The following SYT1 variants were observed in gnomAD, a reference collection of about 807,000 sequenced individuals.
SYT1 encodes the protein synaptotagmin 1, also known as synaptotagmin-1.
In SYT1, 8 loss-of-function variants were observed where a neutral mutation model predicts 44.8. That is an observed-to-expected ratio of 0.18 (90% CI 0.10 to 0.32). The LOEUF (loss-of-function observed/expected upper bound fraction) is 0.32, where lower values mean the gene tolerates loss of function less well. Ranked by LOEUF, SYT1 falls within the 10% of genes least tolerant of loss-of-function variation. SYT1 has a pLI of 1.00. For synonymous variants in SYT1, 154 were observed against 188.8 expected, an observed-to-expected ratio of 0.82 and a Z score of 1.51; for missense variants, 286 against 509.3, an observed-to-expected ratio of 0.56 and a Z score of 4.22.
chr12:79,436,191 A>C (rs921195284), intron 9 of SYT1, among the ~76,000 whole-genome samples: 2 of 152,180 alleles, frequency 1.3e-5, no homozygotes, highest in Non-Finnish European at 2.9e-5. Context: ...TACCTTTACA[A>C]TTTAAACAAT....
At chr12:79,220,801 A>G (rs1875112851) in intron 4 of SYT1, among the ~76,000 whole-genome samples, 1 of 152,132 alleles carries the variant, frequency 6.6e-6, no homozygotes, top group Non-Finnish European at 1.5e-5. Context: ...ATAACTTGAT[A>G]TAGTTTTAAT....
At chr12:79,249,191 G>A (rs1023172994) in intron 4 of SYT1, among the ~76,000 whole-genome samples, 5 of 136,840 alleles carry the variant, frequency 3.7e-5, no homozygotes, top group Non-Finnish European at 3.0e-5. Flanking sequence ...TGCAAGCTCC[G>A]CTTCCCGGGT....
chr12:79,341,947 T>A (rs1267776497), intron 8 of SYT1, among the ~76,000 whole-genome samples: 1 of 151,824 alleles, frequency 6.6e-6, no homozygotes, highest in Non-Finnish European at 1.5e-5. Flanking sequence ...GAAAGATGAG[T>A]GAAAGTTAAC....
rs78249544 is a variant in SYT1, at chr12:78,973,677, G to A, written c.-216-4122G>A. On this transcript the variant is annotated intron_variant, in intron 1 of 10. Coordinates refer to ENST00000261205, the MANE Select transcript of SYT1 (RefSeq NM_005639.3). ...TGTGCTCCAACTTACTACACAGGTT[G>A]ACCTTGCATAAAAGTAACTTTACAA... 1.1e-3 allele frequency among the ~76,000 whole-genome samples: 168 copies of A among 151,838 alleles called. 1 individual carries two copies. The highest frequency in any genetic ancestry group is 3.9e-3 in the African/African-American group (161 of 41,404).
At chr12:79,445,988 G>GACATATATATATATATATATAT (rs1870687649) in intron 10 of SYT1, among the ~76,000 whole-genome samples, 1 of 46,932 alleles carries the variant, frequency 2.1e-5, no homozygotes, top group African/African-American at 7.6e-5. Flanking sequence ...TTAATCCAAA[G>GACATATATATATATATATATAT]ACATATATAT....
intron 3 of SYT1, among the ~76,000 whole-genome samples, chr12:79,049,826 A>T (rs1565781738): frequency 6.6e-6 from 1 of 151,922 alleles, no homozygotes; most frequent in Non-Finnish European, 1.5e-5. Flanking sequence ...CCATAGCTTA[A>T]GAACAAGTTG....
At chr12:79,346,051 A>T (rs1262227140) in intron 8 of SYT1, among the ~76,000 whole-genome samples, 1 of 152,234 alleles carries the variant, frequency 6.6e-6, no homozygotes, top group Non-Finnish European at 1.5e-5. Flanking sequence ...GGTACTTTTG[A>T]AAAACTCACT....
chr12:79,312,582 C>T (rs1399950761), intron 8 of SYT1, among the ~76,000 whole-genome samples: 6 of 152,166 alleles, frequency 3.9e-5, no homozygotes, highest in African/African-American at 1.4e-4. Context: ...AAACTTGAAA[C>T]ACTAGAATAC....
intron 1 of SYT1, among the ~76,000 whole-genome samples, chr12:78,919,333 C>G (rs535098160): frequency 3.3e-5 from 5 of 152,040 alleles, no homozygotes; most frequent in Non-Finnish European, 7.4e-5. Context: ...TAGATCCAAG[C>G]TTCTGAAGGA....
intron 9 of SYT1, among the ~76,000 whole-genome samples, chr12:79,383,136 T>C (rs1263282721): frequency 6.6e-6 from 1 of 152,212 alleles, no homozygotes; most frequent in Non-Finnish European, 1.5e-5. Flanking sequence ...TTAGGCAATT[T>C]CATCATTGTT....
chr12:79,178,775 A>T (rs1038700642), intron 3 of SYT1, among the ~76,000 whole-genome samples: 3 of 150,020 alleles, frequency 2.0e-5, no homozygotes, highest in East Asian at 1.9e-4. Flanking sequence ...TTATTTATTT[A>T]TATTTATTTA....
At chr12:79,009,435 A>C (rs1871287220) in intron 2 of SYT1, among the ~76,000 whole-genome samples, 1 of 152,176 alleles carries the variant, frequency 6.6e-6, no homozygotes, top group East Asian at 1.9e-4. Flanking sequence ...GGTTGTCTGC[A>C]TACTTCCTTA....
intron 3 of SYT1, among the ~76,000 whole-genome samples, chr12:79,108,651 T>A (rs1273688774): frequency 6.6e-6 from 1 of 152,128 alleles, no homozygotes; most frequent in African/African-American, 2.4e-5. Context: ...TTTTAAAAAA[T>A]TCTATAATAC....
chr12:79,260,285 C>T (rs947091795), intron 4 of SYT1, among the ~76,000 whole-genome samples: 2 of 152,192 alleles, frequency 1.3e-5, no homozygotes, highest in African/African-American at 4.8e-5. Context: ...TTTACACACA[C>T]ACAAACACAT....
At chr12:79,387,696 A>G (rs537615135) in intron 9 of SYT1, among the ~76,000 whole-genome samples, 2 of 152,300 alleles carry the variant, frequency 1.3e-5, no homozygotes, top group Admixed American at 1.3e-4. Context: ...TATTCTTCCT[A>G]TAAGCATTTG....
At chr12:79,085,977 C>G (rs547863185) in intron 3 of SYT1, among the ~76,000 whole-genome samples, 1 of 152,162 alleles carries the variant, frequency 6.6e-6, no homozygotes, top group South Asian at 2.1e-4. Flanking sequence ...ATAATATGAT[C>G]ACCAGGTTTG....
At chr12:79,326,037 G>T (rs187953846) in intron 8 of SYT1, among the ~76,000 whole-genome samples, 1 of 152,054 alleles carries the variant, frequency 6.6e-6, no homozygotes, top group Non-Finnish European at 1.5e-5. Flanking sequence ...AAAGCTTAAA[G>T]CATGTGCCGT....
intron 8 of SYT1, among the ~76,000 whole-genome samples, chr12:79,312,003 A>C (rs1264708452): frequency 6.6e-6 from 1 of 151,878 alleles, no homozygotes; most frequent in Non-Finnish European, 1.5e-5. Flanking sequence ...ATGTACCCTA[A>C]AACTTAAAGT....
chr12:78,896,507 A>C (rs1875366211), intron 1 of SYT1, among the ~76,000 whole-genome samples: 1 of 151,802 alleles, frequency 6.6e-6, no homozygotes, highest in Non-Finnish European at 1.5e-5. Flanking sequence ...TTTACCTGAA[A>C]CATGTTTTTA....
Sources: allele counts gnomAD v4.1 joint callset (sites outside exome capture counted in the v4.1 genomes callset), GRCh38; gene constraint gnomAD v4.1.1; transcripts MANE v1.5; gene names NCBI Gene and HGNC (gene_info 2026-07-23, HGNC 2026-07-21).